The following HS6ST1 variants were observed in gnomAD, a reference collection of about 807,000 sequenced individuals.
HS6ST1 encodes the protein heparan sulfate 6-O-sulfotransferase 1, also known as heparan-sulfate 6-O-sulfotransferase 1.
Under a neutral mutation model 25.2 loss-of-function variants are expected in HS6ST1, and 3 were observed. That is an observed-to-expected ratio of 0.12 (90% CI 0.05 to 0.31). The LOEUF is 0.31. Ranked by LOEUF, HS6ST1 falls within the 10% of genes least tolerant of loss-of-function variation. The pLI, the probability that HS6ST1 is intolerant of heterozygous loss-of-function variation, is 1.00. For missense variants in HS6ST1, 310 were observed against 609.6 expected (o/e 0.51, Z 5.18); for synonymous variants, 204 against 275.1 (o/e 0.74, Z 2.56).
intron 1 of HS6ST1, among the ~76,000 whole-genome samples, chr2:128,294,446 G>A (rs1694006928): frequency 6.6e-6 from 1 of 152,180 alleles, no homozygotes; most frequent in Non-Finnish European, 1.5e-5. Context: ...GCCACCTTTA[G>A]AAACTTGTTC....
intron 1 of HS6ST1, among the ~76,000 whole-genome samples, chr2:128,285,436 A>G (rs6711447): frequency 0.29 from 44,814 of 152,152 alleles, 7,414 homozygotes; most frequent in African/African-American, 0.44. Context: ...CTTGCCCTGC[A>G]CTGGGCGCCT....
At chr2:128,294,581 C>T (rs1694010998) in intron 1 of HS6ST1, among the ~76,000 whole-genome samples, 2 of 152,142 alleles carry the variant, frequency 1.3e-5, no homozygotes, top group Non-Finnish European at 2.9e-5. Context: ...GCTGCGGCCC[C>T]TCTGAGGACA....
At chr2:128,298,243 T>C (rs1029953800) in intron 1 of HS6ST1, among the ~76,000 whole-genome samples, 2 of 152,148 alleles carry the variant, frequency 1.3e-5, no homozygotes, top group Non-Finnish European at 2.9e-5. Flanking sequence ...ACAGCTACTG[T>C]AGAAAGCAGT....
At chr2:128,283,965 A>G (rs1381988525) in intron 1 of HS6ST1, among the ~76,000 whole-genome samples, 1 of 152,228 alleles carries the variant, frequency 6.6e-6, no homozygotes, top group Non-Finnish European at 1.5e-5. Context: ...ATTCCAGGTC[A>G]AGAAATGGAG....
At chr2:128,315,376 G>A (rs946574603) in intron 1 of HS6ST1, among the ~76,000 whole-genome samples, 4 of 152,140 alleles carry the variant, frequency 2.6e-5, no homozygotes, top group South Asian at 2.1e-4. Context: ...CCTCTCTTAC[G>A]CGCACCACAG....
At chr2:128,315,173 AAC>A (rs1694343333) in intron 1 of HS6ST1, among the ~76,000 whole-genome samples, 1 of 152,214 alleles carries the variant, frequency 6.6e-6, no homozygotes, top group African/African-American at 2.4e-5. Context: ...CACAGGACTA[AAC>A]AGGGACCCGC....
At chr2:128,301,974 T>A (rs1694137575) in intron 1 of HS6ST1, among the ~76,000 whole-genome samples, 1 of 152,326 alleles carries the variant, frequency 6.6e-6, no homozygotes, top group South Asian at 2.1e-4. Flanking sequence ...GGCAGAGGAC[T>A]GGGCTCTCCA....
intron 1 of HS6ST1, among the ~76,000 whole-genome samples, chr2:128,312,049 G>C (rs1694299688): frequency 6.6e-6 from 1 of 152,240 alleles, no homozygotes; most frequent in Non-Finnish European, 1.5e-5. Context: ...AAGGCTGCCA[G>C]GTGTCTTCCA....
At position 128,281,770 on chromosome 2, in the gene HS6ST1, C is replaced by T. The variant is rs186923829; in HGVS notation, c.528-12900G>A. Among the ~76,000 whole-genome samples the T allele has an allele frequency of 2.4e-3, 360 of 152,240 alleles. 5 individuals carry two copies. The highest frequency in any genetic ancestry group is 6.9e-3 in the African/African-American group (287 of 41,572). On this transcript the variant is annotated intron_variant, in intron 1 of 1. Coordinates refer to ENST00000259241, the MANE Select transcript of HS6ST1 (RefSeq NM_004807.3). Reference sequence around the variant, plus strand: ...TGAATGAGATGACAGGGTGGGCTCCCGGGCGGGGCCAGGAGGGCCTGGCAG... The same window carrying T: ...TGAATGAGATGACAGGGTGGGCTCCTGGGCGGGGCCAGGAGGGCCTGGCAG...
At chr2:128,301,096 C>T (rs1694117996) in intron 1 of HS6ST1, among the ~76,000 whole-genome samples, 1 of 152,198 alleles carries the variant, frequency 6.6e-6, no homozygotes, top group Non-Finnish European at 1.5e-5. Context: ...ACCAGCCTTC[C>T]CTCCCTCTGT....
At chr2:128,273,090 TGGGGAACCACACCAGGGAGGC>T (rs1693635963) in intron 1 of HS6ST1, among the ~76,000 whole-genome samples, 1 of 152,182 alleles carries the variant, frequency 6.6e-6, no homozygotes, top group Admixed American at 6.5e-5. Flanking sequence ...GGACAGCTGC[TGGGGAACCACACCAGGGAGGC>T]GGGTGTGTTC....
At chr2:128,302,453 A>G (rs10445701) in intron 1 of HS6ST1, among the ~76,000 whole-genome samples, 16,121 of 152,116 alleles carry the variant, frequency 0.11, 1,015 homozygotes, top group African/African-American at 0.17. Context: ...ACTCCCTCCC[A>G]GCCCCAGCCC....
chr2:128,299,271 G>A (rs938965785), intron 1 of HS6ST1, among the ~76,000 whole-genome samples: 8 of 152,326 alleles, frequency 5.3e-5, no homozygotes, highest in East Asian at 1.9e-4. Flanking sequence ...CTGCTCTCCC[G>A]TCCTCCAAAG....
intron 1 of HS6ST1, among the ~76,000 whole-genome samples, chr2:128,298,049 C>A (rs1276473590): frequency 7.7e-6 from 1 of 129,476 alleles, no homozygotes; most frequent in African/African-American, 3.2e-5. Flanking sequence ...GAAGACAGAC[C>A]AATGGCCAAC....
intron 1 of HS6ST1, among the ~76,000 whole-genome samples, chr2:128,289,123 AGAGATAAGCCATTCT>A (rs1243130356): frequency 3.3e-5 from 5 of 152,150 alleles, no homozygotes; most frequent in African/African-American, 1.2e-4. Flanking sequence ...AGCCCACCCC[AGAGATAAGCCATTCT>A]GTGCCCAAGC....
intron 1 of HS6ST1, 41 bp downstream of exon 1, chr2:128,317,996 G>A: frequency 7.1e-7 from 1 of 1,408,444 alleles, no homozygotes; most frequent in South Asian, 1.6e-5. Context: ...CCCGGCCTCG[G>A]GGGCGCAGCT....
chr2:128,268,999 C>A (rs62160115), intron 1 of HS6ST1, 129 bp from the exon 2 acceptor site: 101 of 740,360 alleles, frequency 1.4e-4, no homozygotes, highest in Non-Finnish European at 2.2e-4. Context: ...AACTCCTGCA[C>A]TTAGCTCTCA....
intron 1 of HS6ST1, among the ~76,000 whole-genome samples, chr2:128,303,243 T>TCACAGAGGACAGTAAAGGCAGGG (rs1694159514): frequency 6.6e-6 from 1 of 152,166 alleles, no homozygotes; most frequent in African/African-American, 2.4e-5. Context: ...CTTTGCAGCA[T>TCACAGAGGACAGTAAAGGCAGGG]CACAGAGGAC....
intron 1 of HS6ST1, among the ~76,000 whole-genome samples, chr2:128,294,628 G>GGGCT (rs1280090106): frequency 6.6e-6 from 1 of 152,020 alleles, no homozygotes; most frequent in African/African-American, 2.4e-5. Context: ...AGAAGAAGGT[G>GGGCT]GGCTACTGGG....
Sources: allele counts gnomAD v4.1 joint callset (sites outside exome capture counted in the v4.1 genomes callset), GRCh38; gene constraint gnomAD v4.1.1; transcripts MANE v1.5; gene names NCBI Gene and HGNC (gene_info 2026-07-23, HGNC 2026-07-21).